Variants in LDLRAD3 observed in about 807,000 individuals in gnomAD.
LDLRAD3 encodes low-density lipoprotein receptor class A domain-containing protein 3.
Under a neutral mutation model 29.4 loss-of-function variants are expected in LDLRAD3, and 20 were observed. The observed-to-expected ratio is 0.68, with a 90% confidence interval of 0.48 to 0.99. LDLRAD3 has a LOEUF of 0.99. Ranked by LOEUF, LDLRAD3 falls within the 50% of genes least tolerant of loss-of-function variation. LDLRAD3 has a pLI of 0.00. For missense variants in LDLRAD3, 420 were observed against 454.3 expected (o/e 0.92, Z 0.69); for synonymous variants, 157 against 192.7 (o/e 0.81, Z 1.53).
At chr11:35,945,673 C>T (rs1403269928) in intron 1 of LDLRAD3, among the ~76,000 whole-genome samples, 1 of 152,160 alleles carries the variant, frequency 6.6e-6, no homozygotes, top group East Asian at 1.9e-4. Flanking sequence ...TGTGGTGTGT[C>T]CCCTCATAGC....
chr11:36,112,322 A>G (rs1182333815), intron 4 of LDLRAD3, among the ~76,000 whole-genome samples: 4 of 152,210 alleles, frequency 2.6e-5, no homozygotes, highest in African/African-American at 9.7e-5. Context: ...TTATTTTTTA[A>G]TTGAAGAGAA....
At chr11:36,204,227 G>T (rs527586487) in intron 4 of LDLRAD3, among the ~76,000 whole-genome samples, 5 of 152,090 alleles carry the variant, frequency 3.3e-5, no homozygotes, top group Non-Finnish European at 5.9e-5. Flanking sequence ...GAACATCCTG[G>T]GTATCCCCTT....
At position 36,213,875 on chromosome 11, in the gene LDLRAD3, G is replaced by A. The variant is rs757202786; in HGVS notation, c.455-13210G>A. Reference sequence around the variant, plus strand: ...TTCTCTGCCATTCAGCACTCCCAAGGCCCGTTTTAATCTAGTGTGAAGGGT... The same window carrying A: ...TTCTCTGCCATTCAGCACTCCCAAGACCCGTTTTAATCTAGTGTGAAGGGT... On this transcript the variant is annotated intron_variant, in intron 4 of 5. Transcript: ENST00000315571. The surrounding 1 kb of genome is among the most constrained non-coding windows in gnomAD (Gnocchi z 4.1). Among the ~76,000 whole-genome samples, 4 of 152,042 alleles carry A rather than the reference G, an allele frequency of 2.6e-5. No individual in the cohort carries two copies. Among genetic ancestry groups the A allele is most frequent in the African/African-American group, 4.8e-5 (2 of 41,384 alleles).
chr11:36,122,630 A>G (rs1373287048), intron 4 of LDLRAD3, among the ~76,000 whole-genome samples: 1 of 151,668 alleles, frequency 6.6e-6, no homozygotes, highest in Non-Finnish European at 1.5e-5. Context: ...AAAGGAAAAA[A>G]CTCCATCCCC....
chr11:36,144,825 C>T (rs1167905421), intron 4 of LDLRAD3, among the ~76,000 whole-genome samples: 4 of 128,112 alleles, frequency 3.1e-5, no homozygotes, highest in Admixed American at 7.4e-5. Context: ...GCCCCCCGCC[C>T]GGCCAGCCGC....
intron 4 of LDLRAD3, among the ~76,000 whole-genome samples, chr11:36,152,739 G>A (rs768617088): frequency 6.6e-6 from 1 of 152,190 alleles, no homozygotes; most frequent in Non-Finnish European, 1.5e-5. Flanking sequence ...TAGTTGGGAC[G>A]CTTGACAGCT....
chr11:35,976,282 A>G (rs1304869256), intron 1 of LDLRAD3, among the ~76,000 whole-genome samples: 3 of 152,284 alleles, frequency 2.0e-5, no homozygotes, highest in Non-Finnish European at 4.4e-5. Context: ...ATGTCCCTTC[A>G]TAATTAAGAC....
At chr11:36,047,973 G>A (rs1852475204) in intron 2 of LDLRAD3, among the ~76,000 whole-genome samples, 1 of 152,202 alleles carries the variant, frequency 6.6e-6, no homozygotes, top group Non-Finnish European at 1.5e-5. Flanking sequence ...GTGAAAAGGG[G>A]CAGGGTGAGA....
At chr11:36,152,206 A>T (rs942534826) in intron 4 of LDLRAD3, among the ~76,000 whole-genome samples, 1 of 152,204 alleles carries the variant, frequency 6.6e-6, no homozygotes, top group African/African-American at 2.4e-5. Context: ...TTTGTGATAC[A>T]CGTGCTCCTG....
intron 4 of LDLRAD3, among the ~76,000 whole-genome samples, chr11:36,199,566 TACACAC>T (rs57161243): frequency 1.3e-5 from 2 of 149,986 alleles, no homozygotes; most frequent in African/African-American, 4.9e-5. Context: ...GCTGTGGTTC[TACACAC>T]ACACACACAC....
intron 5 of LDLRAD3, among the ~76,000 whole-genome samples, chr11:36,227,650 A>G (rs1478217076): frequency 2.0e-5 from 3 of 152,216 alleles, no homozygotes; most frequent in African/African-American, 7.2e-5. Context: ...ACTGATAGGA[A>G]TGTTCCAAAA....
chr11:35,951,926 G>A (rs1226374239), intron 1 of LDLRAD3, among the ~76,000 whole-genome samples: 1 of 152,158 alleles, frequency 6.6e-6, no homozygotes, highest in Non-Finnish European at 1.5e-5. Flanking sequence ...TGGCCATTAG[G>A]TACATCCTGA....
At chr11:36,074,320 G>T (rs1245972341) in intron 2 of LDLRAD3, among the ~76,000 whole-genome samples, 1 of 152,204 alleles carries the variant, frequency 6.6e-6, no homozygotes, top group Non-Finnish European at 1.5e-5. Context: ...AAGAAAAGAA[G>T]GCTGAGGGTT....
intron 4 of LDLRAD3, among the ~76,000 whole-genome samples, chr11:36,108,794 A>T (rs1853568055): frequency 6.6e-6 from 1 of 152,212 alleles, no homozygotes; most frequent in African/African-American, 2.4e-5. Context: ...ATGGTAAAGC[A>T]CTAAAAACAA....
chr11:35,967,837 A>G, intron 1 of LDLRAD3: 1 of 422,078 alleles, frequency 2.4e-6, no homozygotes, highest in African/African-American at 2.1e-5. Flanking sequence ...TGCAGTATCC[A>G]TTCTGAATGA....
In LDLRAD3 at chr11:36,048,384, C is replaced by G. The variant is rs188782206; in HGVS notation, c.193+12135C>G. 2.5e-3 allele frequency among the ~76,000 whole-genome samples: 378 copies of G among 152,180 alleles called. 3 individuals carry two copies. Among genetic ancestry groups the G allele is most frequent in the Non-Finnish European group, 4.2e-3 (286 of 68,010 alleles). On this transcript the variant is annotated intron_variant, in intron 2 of 5. Transcript: ENST00000315571. Reference sequence around the variant, plus strand: ...AATGCTGTCGAGTTCCCATTGACACCCCCACCCCCTGCCCAGGAGGTGAGA... The same window carrying G: ...AATGCTGTCGAGTTCCCATTGACACGCCCACCCCCTGCCCAGGAGGTGAGA...
At chr11:35,972,176 A>G in intron 1 of LDLRAD3, among the ~76,000 whole-genome samples, 1 of 152,092 alleles carries the variant, frequency 6.6e-6, no homozygotes, top group Non-Finnish European at 1.5e-5. Context: ...AACTCTGTGA[A>G]ACCCCAGAGT....
intron 4 of LDLRAD3, among the ~76,000 whole-genome samples, chr11:36,224,916 A>G (rs940854044): frequency 6.6e-6 from 1 of 152,180 alleles, no homozygotes; most frequent in African/African-American, 2.4e-5. Context: ...CACCTCTCTG[A>G]GTCAATTTGC....
intron 1 of LDLRAD3, among the ~76,000 whole-genome samples, chr11:36,014,909 C>T: frequency 6.6e-6 from 1 of 152,092 alleles, no homozygotes; most frequent in East Asian, 1.9e-4. Flanking sequence ...AGGGGGGAGC[C>T]CCCAGACGAA....
Sources: allele counts gnomAD v4.1 joint callset (sites outside exome capture counted in the v4.1 genomes callset), GRCh38; gene constraint gnomAD v4.1.1; non-coding constraint Gnocchi (gnomAD v3.1); transcripts MANE v1.5; gene names NCBI Gene and HGNC (gene_info 2026-07-23, HGNC 2026-07-21).